The following TAFA2 variants were observed in gnomAD, a reference collection of about 807,000 sequenced individuals.
TAFA2 encodes the protein chemokine-like protein TAFA-2.
TAFA2 carries 7 observed loss-of-function variants against 18.8 expected under a neutral mutation model. That is an observed-to-expected ratio of 0.37 (90% CI 0.21 to 0.70). The LOEUF (loss-of-function observed/expected upper bound fraction) is 0.70, where lower values mean the gene tolerates loss of function less well. Among genes scored for constraint, TAFA2 ranks in the 30% least tolerant of loss-of-function variants. The pLI, the probability that TAFA2 is intolerant of heterozygous loss-of-function variation, is 0.53. For synonymous variants in TAFA2, 60 were observed against 54.2 expected (o/e 1.11, Z -0.47); for missense variants, 122 against 158.1 (o/e 0.77, Z 1.23).
chr12:62,075,624 C>T (rs907449669), intron 1 of TAFA2, among the ~76,000 whole-genome samples: 2 of 152,206 alleles, frequency 1.3e-5, no homozygotes, highest in Non-Finnish European at 2.9e-5. Context: ...CATGTCCATT[C>T]ATTTCAGCAG....
chr12:61,786,445 G>A (rs564839422), intron 2 of TAFA2, among the ~76,000 whole-genome samples: 6 of 151,502 alleles, frequency 4.0e-5, no homozygotes, highest in Admixed American at 1.3e-4. Context: ...AAAATGACCA[G>A]CCACGCACAG....
At chr12:61,856,448 T>C (rs370531375) in intron 2 of TAFA2, among the ~76,000 whole-genome samples, 20 of 151,994 alleles carry the variant, frequency 1.3e-4, no homozygotes, top group African/African-American at 4.8e-4. Context: ...TAAAAGAGGA[T>C]GAAATTGGAA....
At chr12:62,139,305 A>G (rs2062222350) in intron 1 of TAFA2, among the ~76,000 whole-genome samples, 1 of 152,240 alleles carries the variant, frequency 6.6e-6, no homozygotes, top group Admixed American at 6.5e-5. Flanking sequence ...AGTACACCTT[A>G]CTGAATTACT....
intron 1 of TAFA2, among the ~76,000 whole-genome samples, chr12:62,005,598 A>G (rs746658053): frequency 2.3e-4 from 35 of 152,154 alleles, no homozygotes; most frequent in Non-Finnish European, 5.1e-4. Context: ...TACACCACAC[A>G]TATTATAGAT....
intron 1 of TAFA2, among the ~76,000 whole-genome samples, chr12:61,941,249 A>G (rs1236542568): frequency 6.6e-6 from 1 of 152,226 alleles, no homozygotes; most frequent in Non-Finnish European, 1.5e-5. Context: ...TACATGGTAA[A>G]AAAGTATTTT....
intron 1 of TAFA2, chr12:62,022,020 C>G: frequency 1.6e-6 from 1 of 638,028 alleles, no homozygotes; most frequent in Non-Finnish European, 3.0e-6. Flanking sequence ...AGACCCCTAG[C>G]GGCCACCTTA....
chr12:62,000,061 C>T (rs1473509814), intron 1 of TAFA2, among the ~76,000 whole-genome samples: 2 of 152,136 alleles, frequency 1.3e-5, no homozygotes, highest in Non-Finnish European at 2.9e-5. Context: ...AGATTAACTA[C>T]TCATTTATTT....
At chr12:61,901,485 G>A (rs913499754) in intron 1 of TAFA2, among the ~76,000 whole-genome samples, 8 of 149,268 alleles carry the variant, frequency 5.4e-5, no homozygotes, top group African/African-American at 2.0e-4. Flanking sequence ...CAACTTTGTA[G>A]TTGAAAAACA....
intron 1 of TAFA2, among the ~76,000 whole-genome samples, chr12:62,221,671 G>A: frequency 6.6e-6 from 1 of 152,086 alleles, no homozygotes; most frequent in South Asian, 2.1e-4. Flanking sequence ...TGATTCATGA[G>A]AATCAATTCC....
chr12:62,257,183 TGTG>T, intron 1 of TAFA2, among the ~76,000 whole-genome samples: 1 of 151,820 alleles, frequency 6.6e-6, no homozygotes, highest in East Asian at 1.9e-4. Context: ...TGTGTGTGTG[TGTG>T]TGTGTGTGTG....
At chr12:62,119,129 C>A (rs942910249) in intron 1 of TAFA2, among the ~76,000 whole-genome samples, 11 of 151,904 alleles carry the variant, frequency 7.2e-5, no homozygotes, top group African/African-American at 2.7e-4. Flanking sequence ...GAGGGAAGGA[C>A]CTAGTGTCAT....
intron 2 of TAFA2, among the ~76,000 whole-genome samples, chr12:61,795,402 A>G (rs1380412379): frequency 1.3e-5 from 2 of 152,160 alleles, no homozygotes; most frequent in East Asian, 1.9e-4. Flanking sequence ...ATGCAGCCAT[A>G]AAAAAGGATG....
chr12:61,873,975 A>T (rs550488287), intron 1 of TAFA2, among the ~76,000 whole-genome samples: 1 of 152,288 alleles, frequency 6.6e-6, no homozygotes, highest in East Asian at 1.9e-4. Flanking sequence ...TCATACATAT[A>T]ATCATGTATG....
intron 1 of TAFA2, among the ~76,000 whole-genome samples, chr12:62,186,389 C>A (rs1409384964): frequency 2.0e-5 from 3 of 152,054 alleles, no homozygotes; most frequent in Non-Finnish European, 4.4e-5. Flanking sequence ...ACTTTCCAGG[C>A]TTCATGTAGA....
intron 1 of TAFA2, among the ~76,000 whole-genome samples, chr12:62,164,841 G>A (rs1436225437): frequency 6.6e-6 from 1 of 152,054 alleles, no homozygotes; most frequent in Non-Finnish European, 1.5e-5. Flanking sequence ...ATTAGTACAA[G>A]GCCTGGCACA....
At chr12:61,922,496 G>A (rs573695165) in intron 1 of TAFA2, among the ~76,000 whole-genome samples, 1 of 152,296 alleles carries the variant, frequency 6.6e-6, no homozygotes, top group African/African-American at 2.4e-5. Flanking sequence ...AGTGCAAGGG[G>A]TCGGGGAACC....
chr12:61,917,092 G>A (rs772320755), intron 1 of TAFA2, among the ~76,000 whole-genome samples: 1 of 152,166 alleles, frequency 6.6e-6, no homozygotes, highest in Non-Finnish European at 1.5e-5. Flanking sequence ...ACAAGGATAG[G>A]AGAGGGAAAT....
At chr12:62,144,570 G>T (rs1199080226) in intron 1 of TAFA2, among the ~76,000 whole-genome samples, 1 of 152,208 alleles carries the variant, frequency 6.6e-6, no homozygotes, top group Non-Finnish European at 1.5e-5. Context: ...TACAGAAGCA[G>T]CCACAGAGCA....
chr12:62,166,702 A>T (rs1265597969), intron 1 of TAFA2, among the ~76,000 whole-genome samples: 1 of 152,168 alleles, frequency 6.6e-6, no homozygotes, highest in Admixed American at 6.6e-5. Flanking sequence ...AAGCATGAAG[A>T]ATGAAAACCA....
Sources: allele counts gnomAD v4.1 joint callset (sites outside exome capture counted in the v4.1 genomes callset), GRCh38; gene constraint gnomAD v4.1.1; transcripts MANE v1.5; gene names NCBI Gene and HGNC (gene_info 2026-07-23, HGNC 2026-07-21).